The following ITK variants were observed in gnomAD, a reference collection of about 807,000 sequenced individuals.
ITK encodes the protein tyrosine-protein kinase ITK/TSK.
ITK carries 45 observed loss-of-function variants against 87.6 expected under a neutral mutation model. That is an observed-to-expected ratio of 0.51 (90% CI 0.40 to 0.66). ITK has a LOEUF of 0.66. Ranked by LOEUF, ITK falls within the 30% of genes least tolerant of loss-of-function variation. ITK has a pLI of 0.00. For synonymous variants in ITK, 303 were observed against 273.6 expected, an observed-to-expected ratio of 1.11 and a Z score of -1.06; for missense variants, 605 against 766.3, an observed-to-expected ratio of 0.79 and a Z score of 2.48.
chr5:157,201,004 C>T (rs1358919144), intron 1 of ITK, among the ~76,000 whole-genome samples: 1 of 152,086 alleles, frequency 6.6e-6, no homozygotes, highest in Non-Finnish European at 1.5e-5. Flanking sequence ...TTTTAATATA[C>T]TACAACCAAG....
chr5:157,237,216 A>G (rs1754794670), intron 8 of ITK, among the ~76,000 whole-genome samples: 1 of 152,350 alleles, frequency 6.6e-6, no homozygotes, highest in African/African-American at 2.4e-5. Flanking sequence ...TGCGCCCTGA[A>G]AAAGAACAAA....
intron 15 of ITK, among the ~76,000 whole-genome samples, chr5:157,246,654 T>A (rs1755024788): frequency 6.6e-6 from 1 of 152,214 alleles, no homozygotes; most frequent in South Asian, 2.1e-4. Context: ...AGAGAGGGTC[T>A]GCTTTGAATA....
chr5:157,246,092 C>T, intron 15 of ITK, 93 bp downstream of exon 15: 1 of 893,752 alleles, frequency 1.1e-6, no homozygotes, highest in Non-Finnish European at 1.9e-6. Context: ...CCACACTGAA[C>T]CCTGTATCAT....
At chr5:157,242,338 A>G (rs1490456711) in intron 11 of ITK, among the ~76,000 whole-genome samples, 1 of 152,110 alleles carries the variant, frequency 6.6e-6, no homozygotes, top group Non-Finnish European at 1.5e-5. Flanking sequence ...AGGCTGGTCT[A>G]ATTTTCATTT....
chr5:157,235,578 A>T (rs1453142891), intron 8 of ITK, among the ~76,000 whole-genome samples: 2 of 152,206 alleles, frequency 1.3e-5, no homozygotes, highest in African/African-American at 2.4e-5. Flanking sequence ...ACCTTACAAC[A>T]TCTCACACAT....
chr5:157,221,615 G>A (rs1754415785), intron 5 of ITK, among the ~76,000 whole-genome samples: 1 of 152,050 alleles, frequency 6.6e-6, no homozygotes, highest in South Asian at 2.1e-4. Flanking sequence ...TGTCCAGTGT[G>A]CCCCTACAGA....
In ITK at chr5:157,223,024, C is replaced by A. The variant is rs764646182; in HGVS notation, c.647+10C>A. ...TCCAGGACAGGAATGGGTAAGTCAT[C>A]TTTGTGGCTGCTGTCCCCGTGTTTG... On this transcript the variant is annotated intron_variant, in intron 6 of 16. Coordinates refer to ENST00000422843, the MANE Select transcript of ITK (RefSeq NM_005546.4). 3.6e-5 allele frequency: 58 copies of A among 1,613,890 alleles called. No homozygotes were observed. The highest frequency in any genetic ancestry group is 4.8e-5 in the Non-Finnish European group (57 of 1,180,000).
chr5:157,215,894 C>T (rs1044258441), intron 4 of ITK, among the ~76,000 whole-genome samples: 8 of 152,168 alleles, frequency 5.3e-5, no homozygotes, highest in Non-Finnish European at 7.3e-5. Context: ...CAAGTATTTC[C>T]CTCCTCCAAG....
At chr5:157,190,376 A>G (rs995703743) in intron 1 of ITK, among the ~76,000 whole-genome samples, 4 of 152,104 alleles carry the variant, frequency 2.6e-5, no homozygotes, top group Admixed American at 2.6e-4. Flanking sequence ...GTGTTGGTAC[A>G]TTTCAATTTA....
intron 8 of ITK, among the ~76,000 whole-genome samples, chr5:157,237,077 G>A (rs1327598329): frequency 6.6e-6 from 1 of 152,088 alleles, no homozygotes; most frequent in Non-Finnish European, 1.5e-5. Context: ...ATACCCAAAG[G>A]ATAATAAATT....
intron 15 of ITK, among the ~76,000 whole-genome samples, chr5:157,246,318 T>G (rs1336646823): frequency 6.6e-6 from 1 of 152,254 alleles, no homozygotes; most frequent in African/African-American, 2.4e-5. Context: ...GACCATGTTT[T>G]GTCCAACACT....
intron 5 of ITK, among the ~76,000 whole-genome samples, chr5:157,222,085 G>A (rs1374896572): frequency 6.6e-6 from 1 of 152,100 alleles, no homozygotes; most frequent in African/African-American, 2.4e-5. Flanking sequence ...GCCACTAAAT[G>A]CTTCAATGTA....
chr5:157,226,558 A>G (rs1413953366), intron 6 of ITK, among the ~76,000 whole-genome samples: 1 of 152,184 alleles, frequency 6.6e-6, no homozygotes, highest in African/African-American at 2.4e-5. Flanking sequence ...CAGATGTCCA[A>G]TTCTCCAAAG....
chr5:157,231,342 T>C (rs1754648095), intron 7 of ITK, among the ~76,000 whole-genome samples: 1 of 152,164 alleles, frequency 6.6e-6, no homozygotes, highest in Admixed American at 6.5e-5. Flanking sequence ...ACCATGCTGG[T>C]GACAACCTTT....
At chr5:157,206,871 G>A (rs940346502) in intron 1 of ITK, among the ~76,000 whole-genome samples, 2 of 151,788 alleles carry the variant, frequency 1.3e-5, no homozygotes, top group Admixed American at 6.6e-5. Context: ...AATTTTTTGT[G>A]TCTCAATCTC....
intron 1 of ITK, among the ~76,000 whole-genome samples, chr5:157,197,316 G>A (rs894291177): frequency 2.0e-5 from 3 of 152,114 alleles, no homozygotes; most frequent in Admixed American, 6.6e-5. Flanking sequence ...TTACAAGGGC[G>A]TGCATCATTT....
At chr5:157,252,558 A>G in intron 16 of ITK, 49 bp from the exon 17 acceptor site, 4 of 1,399,276 alleles carry the variant, frequency 2.9e-6, no homozygotes, top group South Asian at 2.3e-5. Context: ...GGATTTACCT[A>G]TGACGCATAA....
chr5:157,230,633 T>TA lies in ITK; in HGVS notation c.714-1701dup, dbSNP rs996461830. The stretch of plus-strand genomic sequence containing the variant: ...ATATAGGGTATATGCTTAAATAAAA[T>TA]AAAAAATCTTTATAGGCAATACCTT... On this transcript the variant is annotated intron_variant, in intron 7 of 16. Coordinates refer to ENST00000422843, the MANE Select transcript of ITK (RefSeq NM_005546.4). Among the ~76,000 whole-genome samples, 10 of 152,254 alleles carry TA rather than the reference T, an allele frequency of 6.6e-5. 1 individual carries two copies. The highest frequency in any genetic ancestry group is 5.9e-4 in the Admixed American group (9 of 15,290).
chr5:157,246,506 A>T (rs1010639288), intron 15 of ITK, among the ~76,000 whole-genome samples: 1 of 152,198 alleles, frequency 6.6e-6, no homozygotes, highest in Non-Finnish European at 1.5e-5. Context: ...GGGAGACAGA[A>T]AATCACAAAA....
Sources: gnomAD v4.1 joint callset for allele counts (sites outside exome capture counted in the v4.1 genomes callset) on GRCh38, gnomAD v4.1.1 for gene constraint, MANE v1.5 for transcripts, NCBI Gene and HGNC (gene_info 2026-07-23, HGNC 2026-07-21) for gene names.